Variants in IFNL1 observed in about 807,000 individuals in gnomAD.
IFNL1 encodes the protein interferon lambda 1.
A neutral mutation model predicts 17.1 loss-of-function variants in IFNL1; 16 were observed. That is an observed-to-expected ratio of 0.93 (90% confidence interval 0.63 to 1.42). The LOEUF (loss-of-function observed/expected upper bound fraction) is 1.42. Among genes scored for constraint, IFNL1 ranks in the 40% most tolerant of loss-of-function variants. The pLI is 0.00. For synonymous variants in IFNL1, 104 were observed against 111.4 expected (o/e 0.93, Z 0.42); for missense variants, 262 against 249.4 (o/e 1.05, Z -0.34).
chr19:39,296,455 T>C lies in IFNL1; in HGVS notation c.34T>C (p.Leu12=). 1.2e-6 allele frequency: 2 copies of C among 1,611,954 alleles called. No individual in the cohort carries two copies. The highest frequency in any genetic ancestry group is 1.7e-6 in the Non-Finnish European group (2 of 1,179,820). ...AAAWTVVLVT[L]VLGLAVAGPV... ...AGCTTGGACCGTGGTGCTGGTGACT[T>C]TGGTGCTAGGCTTGGCCGTGGCAGG... The change falls in exon 1 of 5, where the codon TTG becomes CTG. Residue 12 remains leucine (L), a synonymous_variant. Coordinates refer to ENST00000333625, the MANE Select transcript of IFNL1 (RefSeq NM_172140.2).
Position 39,296,447 on chromosome 19 carries a change from T to G in IFNL1, c.26T>G (p.Leu9Arg). MAAAWTVV[L>R]VTLVLGLAVA... ...ATGGCTGCAGCTTGGACCGTGGTGC[T>G]GGTGACTTTGGTGCTAGGCTTGGCC... is the stretch of plus-strand genomic sequence containing the variant. Residue 9 changes from leucine (L) to arginine (R), a missense_variant, in exon 1 of 5, where the codon CTG becomes CGG. By Grantham distance (102) the Leu-to-Arg change is moderately radical (BLOSUM62 -2). Coordinates refer to ENST00000333625, the MANE Select transcript of IFNL1 (RefSeq NM_172140.2). 1 of 1,611,884 alleles carries G rather than the reference T, an allele frequency of 6.2e-7. No individual in the cohort carries two copies. The highest frequency in any genetic ancestry group is 8.5e-7 in the Non-Finnish European group (1 of 1,179,834).
In IFNL1 at chr19:39,296,806, AAG is replaced by A. The variant is rs1215378540; in HGVS notation, c.176_177del (p.Glu59ValfsTer35). On this transcript the variant is annotated frameshift_variant and splice_region_variant, in exon 2 of 5. Transcript: ENST00000333625. LOFTEE classifies it high-confidence loss of function. ...CTAACCCCTGCCCTTGCTCTCTAGG[AAG>A]AGTCACTCAAGCTGAAAAACTGGAG... is the stretch of plus-strand genomic sequence containing the variant. 1.2e-6 allele frequency: 2 copies of A among 1,613,660 alleles called. No individual in the cohort carries two copies. The highest frequency in any genetic ancestry group is 1.1e-5 in the South Asian group (1 of 91,070).
At position 39,298,597 on chromosome 19, in the gene IFNL1, C is replaced by T; in HGVS notation, c.*81C>T. 6.5e-7 allele frequency: 1 copy of T among 1,532,548 alleles called. No homozygotes were observed. Among genetic ancestry groups the T allele is most frequent in the Non-Finnish European group, 8.9e-7 (1 of 1,117,456 alleles). The allele number at this position is 1,532,548 out of a possible 1,614,324, so 94.9% of individuals were successfully genotyped here. The stretch of plus-strand genomic sequence containing the variant: ...TCACCCTTTATTTATGAAGCTGCAG[C>T]CCTGACTGAGACATAGGGCTGAGTT... On this transcript the variant is annotated 3_prime_UTR_variant, in exon 5 of 5. Transcript: ENST00000333625.
Position 39,298,277 on chromosome 19 carries a change from T to A in IFNL1, c.458T>A (p.Leu153His), listed in dbSNP as rs1384738248. 6.2e-7 allele frequency: 1 copy of A among 1,614,042 alleles called. No homozygotes were observed. Among genetic ancestry groups the A allele is most frequent in the East Asian group, 2.2e-5 (1 of 44,858 alleles). ...CGCCTCCACCACTGGCTGCACCGGC[T>A]CCAGGAGGCCCCCAAAAAGGTGAGT... ...RGRLHHWLHR[L>H]QEAPKKESAG... Residue 153 changes from leucine (L) to histidine (H), a missense_variant, in exon 4 of 5, where the codon CTC (leucine) becomes CAC (histidine). By Grantham distance (99) the Leu-to-His change is moderately conservative (BLOSUM62 -3). Transcript: ENST00000333625.
chr19:39,297,127 CTCT>C (rs1184919704), intron 2 of IFNL1, among the ~76,000 whole-genome samples: 2 of 151,986 alleles, frequency 1.3e-5, no homozygotes, highest in African/African-American at 4.8e-5. Flanking sequence ...TCCACTCTCA[CTCT>C]TCATTTCTCT....
At chr19:39,297,926 C>G (rs750305146) in intron 2 of IFNL1, 38 bp from the exon 3 acceptor site, 2 of 1,612,832 alleles carry the variant, frequency 1.2e-6, no homozygotes, top group South Asian at 2.2e-5. Flanking sequence ...GTCTTCTTGC[C>G]TGTTCTCCCT....
Position 39,296,871 on chromosome 19 carries a change from A to T in IFNL1, c.238A>T (p.Arg80Trp). 1 of 1,613,636 alleles carries T rather than the reference A, an allele frequency of 6.2e-7. No individual in the cohort carries two copies. The highest frequency in any genetic ancestry group is 1.1e-5 in the South Asian group (1 of 91,070). ...TGTCTTCCCCGGGAATTGGGACCTG[A>T]GGCTTCTCCAGGTGAGCTGAAAGTC... ...SPVFPGNWDL[R>W]LLQVRERPVA... is the part of the protein sequence containing the mutation. Residue 80 changes from arginine to tryptophan, a missense_variant, in exon 2 of 5, where the codon AGG becomes TGG. Arg to Trp is a moderately radical substitution (Grantham distance 101, BLOSUM62 -3). Transcript: ENST00000333625.
chr19:39,298,048 G>A lies in IFNL1; in HGVS notation c.334G>A (p.Asp112Asn). ...GGCCGCTGCTGGCCCAGCCCTGGAG[G>A]ACGTCCTAGACCAGCCCCTTCACAC... ...LEAAAGPALE[D>N]VLDQPLHTLH... Residue 112 changes from aspartate (D) to asparagine (N), a missense_variant, in exon 3 of 5, where the codon GAC becomes AAC. By Grantham distance (23) the Asp-to-Asn change is conservative. Coordinates refer to ENST00000333625, the MANE Select transcript of IFNL1 (RefSeq NM_172140.2). 6.2e-7 allele frequency: 1 copy of A among 1,614,184 alleles called. No individual in the cohort carries two copies. The highest frequency in any genetic ancestry group is 1.1e-5 in the South Asian group (1 of 91,086).
chr19:39,296,479 G>T lies in IFNL1; in HGVS notation c.58G>T (p.Gly20Cys). 1 of 1,612,936 alleles carries T rather than the reference G, an allele frequency of 6.2e-7. No homozygotes were observed. Among genetic ancestry groups the T allele is most frequent in the Non-Finnish European group, 8.5e-7 (1 of 1,179,968 alleles). Reference sequence around the variant, plus strand: ...TTTGGTGCTAGGCTTGGCCGTGGCAGGCCCTGTCCCCACTTCCAAGCCCAC... The same window carrying T: ...TTTGGTGCTAGGCTTGGCCGTGGCATGCCCTGTCCCCACTTCCAAGCCCAC... ...VTLVLGLAVA[G>C]PVPTSKPTTT... The change falls in exon 1 of 5, where the codon GGC becomes TGC. Residue 20 changes from glycine to cysteine, a missense_variant. Transcript: ENST00000333625.
intron 2 of IFNL1, among the ~76,000 whole-genome samples, chr19:39,297,199 G>C (rs1383548161): frequency 6.6e-6 from 1 of 150,660 alleles, no homozygotes; most frequent in Admixed American, 6.7e-5. Context: ...ACTTCTCCCT[G>C]TCTGTTCCCA....
At position 39,298,535 on chromosome 19, in the gene IFNL1, T is replaced by C; in HGVS notation, c.*19T>C. On this transcript the variant is annotated 3_prime_UTR_variant, in exon 5 of 5. Transcript: ENST00000333625. ...CACCTGACACCCCACACCTTATTTATGCGCTGAGCCCTACTCCTTCCTTAA... is the reference window on the plus strand; with the variant it reads ...CACCTGACACCCCACACCTTATTTACGCGCTGAGCCCTACTCCTTCCTTAA... The C allele has an allele frequency of 6.2e-7, 1 of 1,613,894 alleles. No homozygotes were observed. Among genetic ancestry groups the C allele is most frequent in the Non-Finnish European group, 8.5e-7 (1 of 1,179,844 alleles).
rs893252150 is a variant in IFNL1 at position 39,296,492 on chromosome 19, C to T, written c.71C>T (p.Thr24Ile). Residue 24 changes from threonine (T) to isoleucine (I), a missense_variant, in exon 1 of 5, where the codon ACT becomes ATT. Thr to Ile is a moderately conservative substitution (Grantham distance 89, BLOSUM62 -1). Coordinates refer to ENST00000333625, the MANE Select transcript of IFNL1 (RefSeq NM_172140.2). The part of the protein sequence containing the change: ...LGLAVAGPVP[T>I]SKPTTTGKGC... ...TTGGCCGTGGCAGGCCCTGTCCCCACTTCCAAGCCCACCACAACTGGGAAG... is the reference window on the plus strand; with the variant it reads ...TTGGCCGTGGCAGGCCCTGTCCCCATTTCCAAGCCCACCACAACTGGGAAG... The T allele has an allele frequency of 1.9e-6, 3 of 1,613,444 alleles. No homozygotes were observed. Among genetic ancestry groups the T allele is most frequent in the Non-Finnish European group, 2.5e-6 (3 of 1,180,048 alleles).
chr19:39,297,411 C>T (rs1039729636), intron 2 of IFNL1, among the ~76,000 whole-genome samples: 3 of 150,274 alleles, frequency 2.0e-5, no homozygotes, highest in Non-Finnish European at 4.4e-5. Context: ...CTCTGCCTCC[C>T]GGGTTCAAGC....
chr19:39,296,696 C>A, intron 1 of IFNL1, 104 bp downstream of exon 1: 1 of 1,483,422 alleles, frequency 6.7e-7, no homozygotes, highest in Non-Finnish European at 9.3e-7. Flanking sequence ...AAACCTCTAT[C>A]CTTTCTGCAC....
At chr19:39,296,774 C>A (rs1349727190) in intron 1 of IFNL1, 31 bp from the exon 2 acceptor site, 5 of 1,594,706 alleles carry the variant, frequency 3.1e-6, no homozygotes, top group Non-Finnish European at 4.3e-6. Context: ...AGCCATCCTG[C>A]TGTGGGCTAA....
chr19:39,298,661 C>A lies in IFNL1; in HGVS notation c.*145C>A. On this transcript the variant is annotated 3_prime_UTR_variant, in exon 5 of 5. Coordinates refer to ENST00000333625, the MANE Select transcript of IFNL1 (RefSeq NM_172140.2). ...TTATACATTATGCACAAATAAACAA[C>A]AAGGAATTGGAACCTTCTGTGATAG... 9.7e-7 allele frequency: 1 copy of A among 1,028,798 alleles called. No individual in the cohort carries two copies. The highest frequency in any genetic ancestry group is 1.5e-5 in the South Asian group (1 of 65,334). 63.7% of individuals were successfully genotyped at this position (1,028,798 alleles called of 1,614,324 possible).
rs2075105366 is a variant in IFNL1 at position 39,297,997 on chromosome 19, C to T, written c.283C>T (p.Leu95=). 1 of 1,614,188 alleles carries T rather than the reference C, an allele frequency of 6.2e-7. No individual in the cohort carries two copies. Among genetic ancestry groups the T allele is most frequent in the Non-Finnish European group, 8.5e-7 (1 of 1,180,034 alleles). ...RERPVALEAE[L]ALTLKVLEAA... ...GCGCCCTGTGGCCTTGGAGGCTGAG[C>T]TGGCCCTGACGCTGAAGGTCCTGGA... The change falls in exon 3 of 5, where the codon CTG becomes TTG. Residue 95 remains leucine (L), a synonymous_variant. Transcript: ENST00000333625.
chr19:39,298,552 C>T lies in IFNL1; in HGVS notation c.*36C>T. 6.2e-7 allele frequency: 1 copy of T among 1,609,634 alleles called. No homozygotes were observed. Among genetic ancestry groups the T allele is most frequent in the Non-Finnish European group, 8.5e-7 (1 of 1,176,780 alleles). ...CTTATTTATGCGCTGAGCCCTACTCCTTCCTTAATTTATTTCCTCTCACCC... is the reference window on the plus strand; with the variant it reads ...CTTATTTATGCGCTGAGCCCTACTCTTTCCTTAATTTATTTCCTCTCACCC... On this transcript the variant is annotated 3_prime_UTR_variant, in exon 5 of 5. Transcript: ENST00000333625.
At position 39,296,888 on chromosome 19, in the gene IFNL1, C is replaced by A; in HGVS notation, c.249+6C>A. 1 of 1,611,524 alleles carries A rather than the reference C, an allele frequency of 6.2e-7. No individual in the cohort carries two copies. On this transcript the variant is annotated splice_donor_region_variant and intron_variant, in intron 2 of 4. Coordinates refer to ENST00000333625, the MANE Select transcript of IFNL1 (RefSeq NM_172140.2). ...GGGACCTGAGGCTTCTCCAGGTGAG[C>A]TGAAAGTCAGGCCCCCTTCACCCTT...
Sources: allele counts gnomAD v4.1 joint callset (sites outside exome capture counted in the v4.1 genomes callset), GRCh38; gene constraint gnomAD v4.1.1; transcripts MANE v1.5; gene names NCBI Gene and HGNC (gene_info 2026-07-23, HGNC 2026-07-21).